Variants in KLC3 observed in about 807,000 individuals in gnomAD.
KLC3 encodes the protein kinesin light chain 3, also known as kinesin light chain 2.
A neutral mutation model predicts 62.9 loss-of-function variants in KLC3; 72 were observed. The ratio of observed to expected loss-of-function variants is 1.15; its 90% CI spans 0.95 to 1.39. The LOEUF (loss-of-function observed/expected upper bound fraction) is 1.39. KLC3 is among the 40% of genes most tolerant of loss of function. KLC3 has a pLI of 0.00. For missense variants in KLC3, 848 were observed against 691.6 expected, an observed-to-expected ratio of 1.23 and a Z score of -2.54; for synonymous variants, 377 against 300.5, an observed-to-expected ratio of 1.25 and a Z score of -2.63.
intron 12 of KLC3, 88 bp from the exon 13 acceptor site, chr19:45,351,198 T>G: frequency 6.3e-7 from 1 of 1,585,738 alleles, no homozygotes; most frequent in East Asian, 2.2e-5. Flanking sequence ...GTTGGATAGT[T>G]GGCTGCCAGG....
At position 45,348,084 on chromosome 19, in the gene KLC3, G is replaced by A; in HGVS notation, c.703G>A (p.Glu235Lys). 6.2e-7 allele frequency: 1 copy of A among 1,602,764 alleles called. No individual in the cohort carries two copies. Among genetic ancestry groups the A allele is most frequent in the Non-Finnish European group, 8.5e-7 (1 of 1,175,100 alleles). Residue 235 changes from glutamate to lysine, a missense_variant, in exon 5 of 13, where the codon GAG becomes AAG. Physicochemically the swap from Glu to Lys is moderately conservative, Grantham distance 56. Coordinates refer to ENST00000391946, the MANE Select transcript of KLC3 (RefSeq NM_177417.3). ...VAVPLCRQALEDLERSSGHCH... is the reference protein window; with the variant it reads ...VAVPLCRQALKDLERSSGHCH... ...GGTGCCTCTGTGCCGCCAGGCCTTG[G>A]AGGACCTGGAGCGCAGCTCGGGCCA...
chr19:45,344,018 G>A (rs77427832), intron 1 of KLC3, among the ~76,000 whole-genome samples: 2,418 of 151,698 alleles, frequency 0.016, 69 homozygotes, highest in African/African-American at 0.055. Flanking sequence ...TGTAGGGATG[G>A]GGTCTCACTA....
In KLC3 at chr19:45,346,629, A is replaced by C; in HGVS notation, c.344A>C (p.Glu115Ala). The change falls in exon 3 of 13, where the codon GAG becomes GCG. Residue 115 changes from glutamate to alanine, a missense_variant. By Grantham distance (107) the Glu-to-Ala change is moderately radical. Transcript: ENST00000391946. ...LRSQARRLAQ[E>A]NVWLREELEE... The stretch of plus-strand genomic sequence containing the variant: ...TCGCAGGCCCGGCGGCTGGCCCAGG[A>C]GAACGTGTGGCTGCGGGAGGAACTG... 6.4e-7 allele frequency: 1 copy of C among 1,553,170 alleles called. No homozygotes were observed.
In KLC3 at chr19:45,350,321, A is replaced by C. The variant is rs201211906; in HGVS notation, c.1144-20A>C. 49 of 1,609,406 alleles carry C rather than the reference A, an allele frequency of 3.0e-5. No homozygotes were observed. The East Asian group carries it at 1.1e-3, about 35-fold the overall frequency. On this transcript the variant is annotated intron_variant, in intron 8 of 12. Coordinates refer to ENST00000391946, the MANE Select transcript of KLC3 (RefSeq NM_177417.3). The stretch of plus-strand genomic sequence containing the variant: ...GGGAACTGGGGTCCGAAAAGTTCCC[A>C]GACACTCCCTTCTCCGCAGGCCTCA...
In KLC3 at chr19:45,350,762, G is replaced by T; in HGVS notation, c.1379+15G>T. 6.2e-7 allele frequency: 1 copy of T among 1,600,128 alleles called. No homozygotes were observed. Among genetic ancestry groups the T allele is most frequent in the Non-Finnish European group, 8.5e-7 (1 of 1,173,248 alleles). ...GGAGCAGCCGGGTGAGTGTTGATCA[G>T]GTCGGCAAAGAGCCCTGACATCAGC... On this transcript the variant is annotated intron_variant, in intron 11 of 12. Transcript: ENST00000391946.
At position 45,341,583 on chromosome 19, in the gene KLC3, G is replaced by GCGCGCA. The variant is rs1423537041; in HGVS notation, c.-9+742_-9+743insACGCGC. ...TGTGTGTGTGTGTGTGTGTGTGCGCGCGCGCGTGTGGTGGACAGTGTGGCA... is the reference window on the plus strand; with the variant it reads ...TGTGTGTGTGTGTGTGTGTGTGCGCGCGCGCACGCGCGTGTGGTGGACAGTGTGGCA... On this transcript the variant is annotated intron_variant, in intron 1 of 12. Coordinates refer to ENST00000391946, the MANE Select transcript of KLC3 (RefSeq NM_177417.3). Among the ~76,000 whole-genome samples the GCGCGCA allele has an allele frequency of 9.0e-4, 135 of 150,128 alleles. 1 individual carries two copies. The highest frequency in any genetic ancestry group is 3.3e-3 in the African/African-American group (134 of 40,882).
At chr19:45,346,519 G>C (rs755992343) in intron 2 of KLC3, 25 bp from the exon 3 acceptor site, 2 of 1,505,260 alleles carry the variant, frequency 1.3e-6, no homozygotes, top group African/African-American at 1.4e-5. Flanking sequence ...AACCAACCTC[G>C]ACTTGGGACC....
At chr19:45,347,593 A>C (rs984890199) in intron 4 of KLC3, 77 bp downstream of exon 4, 3 of 1,343,118 alleles carry the variant, frequency 2.2e-6, no homozygotes, top group East Asian at 4.7e-5. Context: ...GGACCCCAAA[A>C]TCTCTGAGCC....
rs552331729 is a variant in KLC3 at position 45,351,392 on chromosome 19, G to C, written c.*35G>C. The C allele has an allele frequency of 1.2e-6, 2 of 1,606,112 alleles. No homozygotes were observed. Among genetic ancestry groups the C allele is most frequent in the East Asian group, 2.2e-5 (1 of 44,890 alleles). ...AACTGCGCTGGCCGCAGCTTCTTGG[G>C]AACAGTGCAGGAGGGATGGGCTGGT... is the stretch of plus-strand genomic sequence containing the variant. On this transcript the variant is annotated 3_prime_UTR_variant, in exon 13 of 13. Coordinates refer to ENST00000391946, the MANE Select transcript of KLC3 (RefSeq NM_177417.3).
At position 45,350,765 on chromosome 19, in the gene KLC3, C is replaced by CTTT. The variant is rs1568528126; in HGVS notation, c.1379+18_1379+19insTTT. The stretch of plus-strand genomic sequence containing the variant: ...GCAGCCGGGTGAGTGTTGATCAGGT[C>CTTT]GGCAAAGAGCCCTGACATCAGCAGA... On this transcript the variant is annotated intron_variant, in intron 11 of 12. Coordinates refer to ENST00000391946, the MANE Select transcript of KLC3 (RefSeq NM_177417.3). 6 of 1,596,262 alleles carry CTTT rather than the reference C, an allele frequency of 3.8e-6. No individual in the cohort carries two copies. The African/African-American group carries it at 8.0e-5, about 21-fold the overall frequency.
chr19:45,350,767 G>C lies in KLC3; in HGVS notation c.1379+20G>C, dbSNP rs1268619661. 6 of 1,594,866 alleles carry C rather than the reference G, an allele frequency of 3.8e-6. No homozygotes were observed. The African/African-American group carries it at 8.0e-5, about 21-fold the overall frequency. On this transcript the variant is annotated intron_variant, in intron 11 of 12. Transcript: ENST00000391946. ...AGCCGGGTGAGTGTTGATCAGGTCG[G>C]CAAAGAGCCCTGACATCAGCAGAAT...
rs1971493875 is a variant in KLC3, at chr19:45,346,526, G to A, written c.259-18G>A. ...AGGGCAGGAACCAACCTCGACTTGG[G>A]ACCCCCACCCCGGGCAGGTGCTGCT... On this transcript the variant is annotated intron_variant, in intron 2 of 12. Coordinates refer to ENST00000391946, the MANE Select transcript of KLC3 (RefSeq NM_177417.3). 7 of 1,511,724 alleles carry A rather than the reference G, an allele frequency of 4.6e-6. No individual in the cohort carries two copies. Among genetic ancestry groups the A allele is most frequent in the Non-Finnish European group, 5.3e-6 (6 of 1,128,138 alleles). 93.6% of individuals were successfully genotyped at this position (1,511,724 alleles called of 1,614,324 possible). A position where few individuals can be genotyped will look rare whatever the true frequency, so the allele number is the denominator to read the frequency against.
At position 45,350,669 on chromosome 19, in the gene KLC3, A is replaced by G. The variant is rs560356289; in HGVS notation, c.1301A>G (p.Lys434Arg). 1.2e-5 allele frequency: 19 copies of G among 1,613,650 alleles called. No individual in the cohort carries two copies. The highest frequency in any genetic ancestry group is 1.1e-4 in the South Asian group (10 of 91,038). The stretch of plus-strand genomic sequence containing the variant: ...CTTCGCCGCAGCAGCTCACTCTCCA[A>G]GATCCGTGAGTCTATCAGGCGAGGA... ...QALRRSSSLSKIRESIRRGSE... is the reference protein window; with the variant it reads ...QALRRSSSLSRIRESIRRGSE... Residue 434 changes from lysine to arginine, a missense_variant, in exon 11 of 13, where the codon AAG becomes AGG. Transcript: ENST00000391946.
intron 1 of KLC3, among the ~76,000 whole-genome samples, chr19:45,341,937 G>C (rs1365407741): frequency 6.6e-6 from 1 of 152,042 alleles, no homozygotes; most frequent in African/African-American, 2.4e-5. Flanking sequence ...TGACAGGATG[G>C]AAAAGGGGGT....
chr19:45,343,625 G>A (rs932990036), intron 1 of KLC3, among the ~76,000 whole-genome samples: 2 of 152,054 alleles, frequency 1.3e-5, no homozygotes, highest in African/African-American at 2.4e-5. Flanking sequence ...GTGAGCCACC[G>A]CGCCCAGGCT....
At chr19:45,349,719 G>GGCCC in intron 8 of KLC3, 117 bp downstream of exon 8, 1 of 1,024,154 alleles carries the variant, frequency 9.8e-7, no homozygotes, top group South Asian at 1.7e-5. Context: ...CCCAGGCCGG[G>GGCCC]CCCTTGGAGC....
intron 9 of KLC3, 38 bp from the exon 10 acceptor site, chr19:45,350,476 T>C (rs1971683087): frequency 6.2e-7 from 1 of 1,613,248 alleles, no homozygotes; most frequent in Non-Finnish European, 8.5e-7. Context: ...GTGGCTTCTC[T>C]ATGTCCCCAT....
At chr19:45,341,956 G>A (rs1971405858) in intron 1 of KLC3, among the ~76,000 whole-genome samples, 1 of 152,042 alleles carries the variant, frequency 6.6e-6, no homozygotes, top group African/African-American at 2.4e-5. Context: ...GTCCGCGTCA[G>A]GGATCAGTGT....
At chr19:45,342,061 T>G (rs957826028) in intron 1 of KLC3, among the ~76,000 whole-genome samples, 1 of 151,872 alleles carries the variant, frequency 6.6e-6, no homozygotes, top group African/African-American at 2.4e-5. Context: ...ACAGCCCGAG[T>G]GCTGGATGGC....
Sources: gnomAD v4.1 joint callset for allele counts (sites outside exome capture counted in the v4.1 genomes callset) on GRCh38, gnomAD v4.1.1 for gene constraint, MANE v1.5 for transcripts, NCBI Gene and HGNC (gene_info 2026-07-23, HGNC 2026-07-21) for gene names.